The following PXDN variants were observed in gnomAD, a reference collection of about 807,000 sequenced individuals.
The protein encoded by PXDN is peroxidasin.
In PXDN, 77 loss-of-function variants were observed where a neutral mutation model predicts 140.3. The observed-to-expected ratio is 0.55, with a 90% confidence interval of 0.46 to 0.66. The LOEUF (loss-of-function observed/expected upper bound fraction) is 0.66. PXDN is among the 30% of genes least tolerant of loss of function. The probability of loss-of-function intolerance (pLI) is 0.00; values close to 1 mark genes in which losing one functional copy is unlikely to be tolerated. For synonymous variants in PXDN, 911 were observed against 857.4 expected, an observed-to-expected ratio of 1.06 and a Z score of -1.09; for missense variants, 1,838 against 2,039.5, an observed-to-expected ratio of 0.90 and a Z score of 1.90.
chr2:1,709,534 T>C (rs901460989), intron 1 of PXDN, among the ~76,000 whole-genome samples: 1 of 152,040 alleles, frequency 6.6e-6, no homozygotes. Flanking sequence ...GCTTGGAGCT[T>C]CCCTTTCTTT....
intron 1 of PXDN, among the ~76,000 whole-genome samples, chr2:1,735,178 T>C (rs558140030): frequency 3.9e-5 from 6 of 152,344 alleles, no homozygotes; most frequent in African/African-American, 1.4e-4. Context: ...TGTGACTTTC[T>C]CCACGAAGTC....
intron 17 of PXDN, among the ~76,000 whole-genome samples, chr2:1,645,095 T>C (rs1682821032): frequency 6.6e-6 from 1 of 152,188 alleles, no homozygotes; most frequent in Non-Finnish European, 1.5e-5. Context: ...TTCCAATCTT[T>C]TTAAAATAAA....
At position 1,744,491 on chromosome 2, in the gene PXDN, G is replaced by A. The variant is rs1287324441; in HGVS notation, c.-36C>T. On this transcript the variant is annotated 5_prime_UTR_variant, in exon 1 of 23. Transcript: ENST00000252804. The stretch of plus-strand genomic sequence containing the variant: ...GCGGACGGACGCTCGGACGCACGGA[G>A]CCACCACGGCCGGCTCCCGACTGCG... 3 of 1,373,358 alleles carry A rather than the reference G, an allele frequency of 2.2e-6. No homozygotes were observed. The highest frequency in any genetic ancestry group is 2.8e-6 in the Non-Finnish European group (3 of 1,073,436). 85.1% of individuals were successfully genotyped at this position (1,373,358 alleles called of 1,614,324 possible). A position where few individuals can be genotyped will look rare whatever the true frequency, so the allele number is the denominator to read the frequency against.
At chr2:1,717,979 T>C (rs1461088044) in intron 1 of PXDN, among the ~76,000 whole-genome samples, 2 of 139,134 alleles carry the variant, frequency 1.4e-5, no homozygotes, top group African/African-American at 2.8e-5. Context: ...CCCAAAGCTA[T>C]TCGACTAACC....
rs1201605732 is a variant in PXDN, at chr2:1,720,741, C to CAA, written c.200+23514_200+23515insTT. On this transcript the variant is annotated intron_variant, in intron 1 of 22. Transcript: ENST00000252804. ...TCTCTCTCTCACACACACACACACA[C>CAA]ACACACACACACGTACACATATCCT... Among the ~76,000 whole-genome samples the CAA allele has an allele frequency of 2.6e-5, 4 of 151,830 alleles. No homozygotes were observed. The East Asian group carries it at 7.8e-4, about 30-fold the overall frequency.
intron 8 of PXDN, 76 bp downstream of exon 8, chr2:1,676,851 G>A: frequency 1.5e-6 from 2 of 1,338,274 alleles, no homozygotes; most frequent in Non-Finnish European, 1.1e-6. Context: ...CCTTGGTGGG[G>A]AGTGAGGTGT....
At chr2:1,717,305 C>T (rs59185875) in intron 1 of PXDN, among the ~76,000 whole-genome samples, 10,098 of 152,120 alleles carry the variant, frequency 0.066, 863 homozygotes, top group East Asian at 0.31. Context: ...ACAGAGATTC[C>T]GCTGCTGTCT....
Position 1,648,511 on chromosome 2 carries a change from G to A in PXDN, c.3269C>T (p.Pro1090Leu). The A allele has an allele frequency of 6.2e-7, 1 of 1,612,890 alleles. No individual in the cohort carries two copies. The highest frequency in any genetic ancestry group is 8.5e-7 in the Non-Finnish European group (1 of 1,179,852). ...LLYRLDENFQ[P>L]IAQDHLPLHK... Reference sequence around the variant, plus strand: ...AAGGGGGAGGTGATCTTGTGCAATGGGCTGGAAGTTCTCGTCCAGCCGGTA... The same window carrying A: ...AAGGGGGAGGTGATCTTGTGCAATGAGCTGGAAGTTCTCGTCCAGCCGGTA... The change falls in exon 17 of 23, where the codon CCC becomes CTC. Residue 1090 changes from proline (P) to leucine (L), a missense_variant. Around this residue, in one of 5 missense-constraint regions of PXDN, gnomAD observed 850 missense variants for 894.1 expected, o/e 0.95. Coordinates refer to ENST00000252804, the MANE Select transcript of PXDN (RefSeq NM_012293.3). The surrounding 1 kb of genome is among the most constrained non-coding windows in gnomAD (Gnocchi z 8.9).
At chr2:1,703,050 G>A (rs1196927282) in intron 1 of PXDN, among the ~76,000 whole-genome samples, 1 of 28,944 alleles carries the variant, frequency 3.5e-5, no homozygotes, top group African/African-American at 1.8e-4. Flanking sequence ...AGCTCCAGGT[G>A]AAGGGAGGGC....
At chr2:1,718,898 G>A (rs964906621) in intron 1 of PXDN, among the ~76,000 whole-genome samples, 1 of 152,258 alleles carries the variant, frequency 6.6e-6, no homozygotes, top group Non-Finnish European at 1.5e-5. Context: ...CCAGCAACTT[G>A]CCACAACTCC....
chr2:1,698,561 G>T (rs1684348786), intron 1 of PXDN, among the ~76,000 whole-genome samples: 1 of 152,166 alleles, frequency 6.6e-6, no homozygotes, highest in Non-Finnish European at 1.5e-5. Context: ...TAGAAACTAA[G>T]AAAGATCAGG....
At chr2:1,694,245 A>T (rs1223352009) in intron 1 of PXDN, among the ~76,000 whole-genome samples, 1 of 152,190 alleles carries the variant, frequency 6.6e-6, no homozygotes, top group Non-Finnish European at 1.5e-5. Context: ...AGGGTATCAT[A>T]GGTAAGGTCA....
At chr2:1,644,071 C>CAAAAAAA (rs74164529) in intron 18 of PXDN, among the ~76,000 whole-genome samples, 6 of 38,448 alleles carry the variant, frequency 1.6e-4, no homozygotes, top group Admixed American at 4.9e-4. Flanking sequence ...GACTCTGTCT[C>CAAAAAAA]AAAAAAAAAA....
At chr2:1,635,685 A>T in intron 21 of PXDN, 164 bp from the exon 22 acceptor site, 1 of 658,898 alleles carries the variant, frequency 1.5e-6, no homozygotes, top group Non-Finnish European at 2.7e-6. Context: ...TCCTTATTAG[A>T]CTGGCGGCAG....
At chr2:1,740,788 C>T (rs1321057967) in intron 1 of PXDN, among the ~76,000 whole-genome samples, 2 of 149,522 alleles carry the variant, frequency 1.3e-5, no homozygotes, top group African/African-American at 2.6e-5. Flanking sequence ...CAGCACACGG[C>T]GTGGGCCTAA....
rs973188347 is a variant in PXDN at position 1,687,755 on chromosome 2, T to G, written c.345-52A>C. ...TAGCACACAGACAGGAGGTCAAACT[T>G]CAGACGGAAAAGAAGAATTAAATTG... On this transcript the variant is annotated intron_variant, in intron 3 of 22. Transcript: ENST00000252804. The surrounding 1 kb of genome is among the most constrained non-coding windows in gnomAD (Gnocchi z 4.0). 5 of 1,344,046 alleles carry G rather than the reference T, an allele frequency of 3.7e-6. No homozygotes were observed. The highest frequency in any genetic ancestry group is 5.2e-6 in the Non-Finnish European group (5 of 958,156). 83.3% of individuals were successfully genotyped at this position (1,344,046 alleles called of 1,614,324 possible).
intron 17 of PXDN, among the ~76,000 whole-genome samples, chr2:1,646,778 A>C (rs1682859113): frequency 6.6e-6 from 1 of 152,220 alleles, no homozygotes; most frequent in Admixed American, 6.5e-5. Context: ...TTCTTTTTAA[A>C]ACAATGTTTT....
intron 1 of PXDN, among the ~76,000 whole-genome samples, chr2:1,737,546 CT>C (rs34336685): frequency 0.75 from 112,410 of 149,962 alleles, 42,096 homozygotes; most frequent in East Asian, 0.94. Flanking sequence ...CTATTCTTTT[CT>C]TTTTTTTTTT....
chr2:1,655,351 CAT>C (rs1365839535), intron 14 of PXDN, among the ~76,000 whole-genome samples: 1 of 150,548 alleles, frequency 6.6e-6, no homozygotes, highest in African/African-American at 2.4e-5. Context: ...ACACACCACA[CAT>C]ATAGTACATT....
Sources: allele counts gnomAD v4.1 joint callset (sites outside exome capture counted in the v4.1 genomes callset), GRCh38; gene constraint gnomAD v4.1.1; regional missense constraint gnomAD v4.1.1; non-coding constraint Gnocchi (gnomAD v3.1); transcripts MANE v1.5; gene names NCBI Gene and HGNC (gene_info 2026-07-23, HGNC 2026-07-21).